Variants in CSMD1 observed in about 807,000 individuals in gnomAD.
The protein encoded by CSMD1 is CUB and sushi domain-containing protein 1.
In CSMD1, 213 loss-of-function variants were observed where a neutral mutation model predicts 417.5. The ratio of observed to expected loss-of-function variants is 0.51; its 90% confidence interval spans 0.46 to 0.57. CSMD1 has a LOEUF of 0.57. CSMD1 is among the 20% of genes least tolerant of loss of function. The probability of loss-of-function intolerance (pLI) is 0.00; values close to 1 mark genes in which losing one functional copy is unlikely to be tolerated. For missense variants in CSMD1, 6,923 were observed against 4,529.7 expected (o/e 1.53, Z -15.17); for synonymous variants, 2,862 against 1,736.8 (o/e 1.65, Z -16.11).
intron 26 of CSMD1, among the ~76,000 whole-genome samples, chr8:3,239,428 G>A (rs767439430): frequency 3.9e-5 from 6 of 152,116 alleles, no homozygotes; most frequent in Middle Eastern, 3.2e-3. Context: ...TAGACCCTGT[G>A]GGAAAGGCCT....
chr8:4,940,395 G>C lies in CSMD1; in HGVS notation c.85+53937C>G, dbSNP rs186647760. 2.6e-5 allele frequency among the ~76,000 whole-genome samples: 4 copies of C among 152,280 alleles called. No homozygotes were observed. The East Asian group carries it at 5.8e-4, about 22-fold the overall frequency. On this transcript the variant is annotated intron_variant, in intron 1 of 69. Transcript: ENST00000635120. ...GGAAATATACAGTTATATTACATGAGTTAAGAAATTCCAATTATGTGTAAA... is the reference window on the plus strand; with the variant it reads ...GGAAATATACAGTTATATTACATGACTTAAGAAATTCCAATTATGTGTAAA...
rs192429656 is a variant in CSMD1 at position 4,446,175 on chromosome 8, G to A, written c.303-26110C>T. On this transcript the variant is annotated intron_variant, in intron 2 of 69. Transcript: ENST00000635120. ...CTGAAACCCATACTTCATAAATGAC[G>A]CATCAAAGAAACAAAAGACATTTTG... Among the ~76,000 whole-genome samples, 207 of 152,224 alleles carry A rather than the reference G, an allele frequency of 1.4e-3. 1 individual carries two copies. Among genetic ancestry groups the A allele is most frequent in the African/African-American group, 4.6e-3 (193 of 41,534 alleles).
chr8:3,583,930 G>C lies in CSMD1; in HGVS notation c.1222+2206C>G, dbSNP rs146813639. Among the ~76,000 whole-genome samples, 61 of 151,542 alleles carry C rather than the reference G, an allele frequency of 4.0e-4. No individual in the cohort carries two copies. The East Asian group carries it at 0.011, about 27-fold the overall frequency. On this transcript the variant is annotated intron_variant, in intron 9 of 69. Transcript: ENST00000635120. ...CATTGTCCCTCTGAAGTGTCAGCAGGAGTCCAAGATGGAGAAACGATTATC... is the reference window on the plus strand; with the variant it reads ...CATTGTCCCTCTGAAGTGTCAGCAGCAGTCCAAGATGGAGAAACGATTATC...
intron 3 of CSMD1, among the ~76,000 whole-genome samples, chr8:4,168,477 T>C (rs1797582859): frequency 6.6e-6 from 1 of 151,914 alleles, no homozygotes; most frequent in Non-Finnish European, 1.5e-5. Context: ...AGGGATGTGG[T>C]AAAAGTAGAA....
chr8:4,828,502 C>T (rs116707327), intron 1 of CSMD1, among the ~76,000 whole-genome samples: 47 of 152,166 alleles, frequency 3.1e-4, no homozygotes, highest in Admixed American at 7.9e-4. Flanking sequence ...GGGTAAGATC[C>T]GAAAGCACCT....
intron 2 of CSMD1, among the ~76,000 whole-genome samples, chr8:4,545,243 T>G (rs991805171): frequency 6.6e-6 from 1 of 152,224 alleles, no homozygotes; most frequent in Non-Finnish European, 1.5e-5. Context: ...GGTGCAGTAA[T>G]GTATAGTTAC....
chr8:4,256,877 GCTA>G (rs1803495332), intron 3 of CSMD1, among the ~76,000 whole-genome samples: 1 of 152,144 alleles, frequency 6.6e-6, no homozygotes. Flanking sequence ...GGGGAGAATC[GCTA>G]CTGGACGATG....
intron 6 of CSMD1, among the ~76,000 whole-genome samples, chr8:3,735,067 G>C (rs2129048719): frequency 6.6e-6 from 1 of 152,278 alleles, no homozygotes; most frequent in South Asian, 2.1e-4. Flanking sequence ...GACATGGGAG[G>C]ACACACGCCA....
At chr8:2,955,095 T>C (rs1733948013) in intron 64 of CSMD1, among the ~76,000 whole-genome samples, 1 of 152,244 alleles carries the variant, frequency 6.6e-6, no homozygotes, top group South Asian at 2.1e-4. Flanking sequence ...GAATTGCTTT[T>C]GTAATTTTAA....
chr8:3,832,807 A>G (rs1802452445), intron 5 of CSMD1, among the ~76,000 whole-genome samples: 1 of 152,198 alleles, frequency 6.6e-6, no homozygotes, highest in Admixed American at 6.5e-5. Flanking sequence ...CCTTCGCCTT[A>G]TTAAAAATAA....
intron 3 of CSMD1, among the ~76,000 whole-genome samples, chr8:4,367,486 G>A (rs950489086): frequency 3.9e-5 from 6 of 152,274 alleles, no homozygotes; most frequent in Admixed American, 3.3e-4. Flanking sequence ...TTGAAATCGG[G>A]TAGTGTGATA....
rs369872543 is a variant in CSMD1 at position 4,652,675 on chromosome 8, C to T, written c.86-15117G>A. ...CAAAATTTAAAAAAAAAGACAGATT[C>T]GCCACAGCTTCAGCCATCAGGGCAA... On this transcript the variant is annotated intron_variant, in intron 1 of 69. Coordinates refer to ENST00000635120, the MANE Select transcript of CSMD1 (RefSeq NM_033225.6). Among the ~76,000 whole-genome samples, 14 of 152,092 alleles carry T rather than the reference C, an allele frequency of 9.2e-5. No homozygotes were observed. The East Asian group carries it at 1.9e-3, about 21-fold the overall frequency.
At chr8:4,969,372 A>G (rs1226764410) in intron 1 of CSMD1, among the ~76,000 whole-genome samples, 2 of 151,908 alleles carry the variant, frequency 1.3e-5, no homozygotes, top group Non-Finnish European at 2.9e-5. Flanking sequence ...TACCCCAGAT[A>G]AAACGAGATG....
At chr8:3,525,271 G>C (rs943834176) in intron 10 of CSMD1, among the ~76,000 whole-genome samples, 3 of 152,202 alleles carry the variant, frequency 2.0e-5, no homozygotes, top group South Asian at 4.1e-4. Context: ...AAAGCACTCA[G>C]GAACTTTCAA....
chr8:4,303,267 A>G (rs888473187), intron 3 of CSMD1, among the ~76,000 whole-genome samples: 5 of 152,166 alleles, frequency 3.3e-5, no homozygotes, highest in African/African-American at 1.2e-4. Flanking sequence ...AATATAAAAG[A>G]AAACAAAACA....
In CSMD1 at chr8:3,409,690, G is replaced by T. The variant is rs564159556; in HGVS notation, c.1562-85C>A. ...CTACAACTTAGAAAGTAAATACGTG[G>T]CTTCTTTTTGCTGAACTAAACATCA... On this transcript the variant is annotated intron_variant, in intron 12 of 69. Coordinates refer to ENST00000635120, the MANE Select transcript of CSMD1 (RefSeq NM_033225.6). 8.3e-5 allele frequency: 86 copies of T among 1,030,134 alleles called. 1 individual carries two copies. The South Asian group carries it at 1.8e-3, about 21-fold the overall frequency. The allele number at this position is 1,030,134 out of a possible 1,614,324, so 63.8% of individuals were successfully genotyped here.
At chr8:4,385,939 C>G (rs1803418759) in intron 3 of CSMD1, among the ~76,000 whole-genome samples, 1 of 152,196 alleles carries the variant, frequency 6.6e-6, no homozygotes, top group South Asian at 2.1e-4. Context: ...CACCCCTCAA[C>G]ATTCAGATAC....
chr8:3,826,657 C>CG (rs1802072692), intron 5 of CSMD1, among the ~76,000 whole-genome samples: 1 of 152,060 alleles, frequency 6.6e-6, no homozygotes, highest in African/African-American at 2.4e-5. Context: ...ATCTGCAGCT[C>CG]GGGCATGGGT....
At chr8:4,552,987 T>C (rs1315433340) in intron 2 of CSMD1, among the ~76,000 whole-genome samples, 1 of 152,258 alleles carries the variant, frequency 6.6e-6, no homozygotes, top group East Asian at 1.9e-4. Flanking sequence ...TTATGTATGC[T>C]GGCTGCTTGG....
Sources: allele counts gnomAD v4.1 joint callset (sites outside exome capture counted in the v4.1 genomes callset), GRCh38; gene constraint gnomAD v4.1.1; transcripts MANE v1.5; gene names NCBI Gene and HGNC (gene_info 2026-07-23, HGNC 2026-07-21).